Variants in DLG2 observed in about 807,000 individuals in gnomAD.
DLG2 encodes the protein discs large MAGUK scaffold protein 2, also known as disks large homolog 2.
In DLG2, 45 loss-of-function variants were observed where a neutral mutation model predicts 132.5. That is an observed-to-expected ratio of 0.34 (90% confidence interval 0.27 to 0.44). The LOEUF is 0.44. Ranked by LOEUF, DLG2 falls within the 20% of genes least tolerant of loss-of-function variation. DLG2 has a pLI of 1.00. For synonymous variants in DLG2, 424 were observed against 419.6 expected (o/e 1.01, Z -0.13); for missense variants, 1,045 against 1,196.9 (o/e 0.87, Z 1.87).
chr11:83,486,019 C>G, intron 21 of DLG2: 1 of 406,562 alleles, frequency 2.5e-6, no homozygotes, highest in East Asian at 3.7e-5. Flanking sequence ...AAATTACATT[C>G]TCAGAGGGAA....
intron 2 of DLG2, among the ~76,000 whole-genome samples, chr11:85,610,765 G>A (rs2080940893): frequency 6.6e-6 from 1 of 152,226 alleles, no homozygotes; most frequent in Non-Finnish European, 1.5e-5. Flanking sequence ...GAATATCTAG[G>A]CTTAATCTTA....
Position 83,724,643 on chromosome 11 carries a change from T to C in DLG2, c.1825+62047A>G, listed in dbSNP as rs559981431. ...AAGGAGGATAAAAATTCACTGATTG[T>C]TGTTCTCACAGAACACAGATAGCAA... is the stretch of plus-strand genomic sequence containing the variant. On this transcript the variant is annotated intron_variant, in intron 18 of 27. Coordinates refer to ENST00000376104, the MANE Select transcript of DLG2 (RefSeq NM_001142699.3). Among the ~76,000 whole-genome samples, 6 of 152,212 alleles carry C rather than the reference T, an allele frequency of 3.9e-5. No individual in the cohort carries two copies. The South Asian group carries it at 1.2e-3, about 32-fold the overall frequency.
chr11:84,565,427 G>A (rs944913991), intron 6 of DLG2, among the ~76,000 whole-genome samples: 3 of 152,024 alleles, frequency 2.0e-5, no homozygotes, highest in Non-Finnish European at 4.4e-5. Context: ...CCACCTCATG[G>A]AACTTTCAAA....
At chr11:84,246,030 G>A (rs1343940234) in intron 8 of DLG2, among the ~76,000 whole-genome samples, 2 of 152,156 alleles carry the variant, frequency 1.3e-5, no homozygotes, top group African/African-American at 4.8e-5. Context: ...ATCACAATAT[G>A]AAAACATACC....
At chr11:85,011,225 G>A (rs1226023227) in intron 6 of DLG2, among the ~76,000 whole-genome samples, 2 of 152,142 alleles carry the variant, frequency 1.3e-5, no homozygotes, top group Non-Finnish European at 2.9e-5. Flanking sequence ...CTAGAGGATA[G>A]AAAGACAGTA....
chr11:85,138,758 T>C (rs1048460527), intron 5 of DLG2, among the ~76,000 whole-genome samples: 2 of 150,348 alleles, frequency 1.3e-5, no homozygotes, highest in Admixed American at 1.3e-4. Context: ...ACTGTCACCA[T>C]GTAAGATGTG....
rs181850833 is a variant in DLG2 at position 84,448,461 on chromosome 11, A to G, written c.519+86109T>C. On this transcript the variant is annotated intron_variant, in intron 7 of 27. Transcript: ENST00000376104. ...GATGAAGTTGTATTTTTGCCATACCATCCCTTTGGATCTTCACAAAATTAT... is the reference window on the plus strand; with the variant it reads ...GATGAAGTTGTATTTTTGCCATACCGTCCCTTTGGATCTTCACAAAATTAT... Among the ~76,000 whole-genome samples, 4 of 152,114 alleles carry G rather than the reference A, an allele frequency of 2.6e-5. No homozygotes were observed. The East Asian group carries it at 7.7e-4, about 29-fold the overall frequency.
At chr11:84,329,151 A>T (rs1333506997) in intron 7 of DLG2, among the ~76,000 whole-genome samples, 1 of 152,204 alleles carries the variant, frequency 6.6e-6, no homozygotes, top group Non-Finnish European at 1.5e-5. Context: ...TTATTACTAG[A>T]TCGTAAGCTC....
intron 18 of DLG2, among the ~76,000 whole-genome samples, chr11:83,721,754 C>A (rs1441028779): frequency 6.6e-6 from 1 of 152,168 alleles, no homozygotes; most frequent in African/African-American, 2.4e-5. Context: ...CCTCAACGCT[C>A]ATTGAGAAAT....
chr11:83,537,807 C>CAAAAAAAA lies in DLG2; in HGVS notation c.2117+3867_2117+3874dup, dbSNP rs1164386994. ...AGGCAACGAAAGTGAGACTCTGTCT[C>CAAAAAAAA]AAAAAAAAAAAAAAAAAAAAAAAAA... is the stretch of plus-strand genomic sequence containing the variant. On this transcript the variant is annotated intron_variant, in intron 20 of 27. Transcript: ENST00000376104. Among the ~76,000 whole-genome samples, 8 of 18,290 alleles carry CAAAAAAAA rather than the reference C, an allele frequency of 4.4e-4. 1 individual carries two copies. The highest frequency in any genetic ancestry group is 6.2e-4 in the Non-Finnish European group (6 of 9,750). The allele number at this position is 18,290 out of a possible 152,430, so 12.0% of individuals were successfully genotyped here.
chr11:85,297,629 C>T (rs2079319065), intron 3 of DLG2, among the ~76,000 whole-genome samples: 1 of 152,084 alleles, frequency 6.6e-6, no homozygotes, highest in African/African-American at 2.4e-5. Flanking sequence ...CTTTTCCTTT[C>T]CCTTTCCCTT....
intron 5 of DLG2, among the ~76,000 whole-genome samples, chr11:85,138,660 A>G (rs1370358868): frequency 6.6e-6 from 1 of 152,016 alleles, no homozygotes; most frequent in Non-Finnish European, 1.5e-5. Flanking sequence ...GGTCTTTCCC[A>G]TGCTATACTT....
At chr11:84,114,427 A>C (rs1346748116) in intron 9 of DLG2, among the ~76,000 whole-genome samples, 1 of 152,136 alleles carries the variant, frequency 6.6e-6, no homozygotes, top group African/African-American at 2.4e-5. Flanking sequence ...ATCACCCTTG[A>C]CTATCATCCA....
intron 6 of DLG2, among the ~76,000 whole-genome samples, chr11:85,057,007 T>C (rs953560291): frequency 4.6e-5 from 7 of 151,744 alleles, no homozygotes; most frequent in African/African-American, 1.4e-4. Context: ...ACAGAAAGGA[T>C]TGGAGGGCCA....
At chr11:84,784,353 TAAA>T (rs775044309) in intron 6 of DLG2, among the ~76,000 whole-genome samples, 92 of 148,176 alleles carry the variant, frequency 6.2e-4, no homozygotes, top group Middle Eastern at 7.0e-3. Flanking sequence ...AATAAATAAA[TAAA>T]TAAATAAATA....
chr11:84,359,462 C>A (rs1191210350), intron 7 of DLG2, among the ~76,000 whole-genome samples: 1 of 151,692 alleles, frequency 6.6e-6, no homozygotes, highest in East Asian at 1.9e-4. Context: ...ATACATTTCC[C>A]GAAATATTTG....
chr11:84,876,958 A>G (rs1443053161), intron 6 of DLG2, among the ~76,000 whole-genome samples: 1 of 152,152 alleles, frequency 6.6e-6, no homozygotes, highest in Admixed American at 6.6e-5. Context: ...GTCATTCAGG[A>G]GCAGGTTGTT....
At chr11:83,685,876 TGGCGC>T (rs1301450838) in intron 18 of DLG2, among the ~76,000 whole-genome samples, 43 of 152,250 alleles carry the variant, frequency 2.8e-4, no homozygotes, top group African/African-American at 9.6e-4. Context: ...TTTAAATAAA[TGGCGC>T]AATCATTGAC....
chr11:84,745,471 G>A (rs1326426154), intron 6 of DLG2, among the ~76,000 whole-genome samples: 1 of 152,104 alleles, frequency 6.6e-6, no homozygotes, highest in Non-Finnish European at 1.5e-5. Context: ...CAGAAGCCAG[G>A]CAGATGCTGC....
Sources: gnomAD v4.1 joint callset for allele counts (sites outside exome capture counted in the v4.1 genomes callset) on GRCh38, gnomAD v4.1.1 for gene constraint, MANE v1.5 for transcripts, NCBI Gene and HGNC (gene_info 2026-07-23, HGNC 2026-07-21) for gene names.